TTC28: variants seen among roughly 807,000 people sequenced by gnomAD.
TTC28 encodes the protein tetratricopeptide repeat protein 28.
TTC28 carries 61 observed loss-of-function variants against 198.0 expected under a neutral mutation model. That is an observed-to-expected ratio of 0.31 (90% CI 0.25 to 0.38). TTC28 has a LOEUF of 0.38. Among genes scored for constraint, TTC28 ranks in the 10% least tolerant of loss-of-function variants. TTC28 has a pLI of 1.00. For synonymous variants in TTC28, 1,171 were observed against 1,297.8 expected, an observed-to-expected ratio of 0.90 and a Z score of 2.10; for missense variants, 2,678 against 3,164.0, an observed-to-expected ratio of 0.85 and a Z score of 3.69.
chr22:28,069,521 C>A (rs1237101493), intron 12 of TTC28, among the ~76,000 whole-genome samples: 1 of 152,104 alleles, frequency 6.6e-6, no homozygotes, highest in African/African-American at 2.4e-5. Context: ...GAGCACTCAG[C>A]AAAGCATCTT....
intron 5 of TTC28, among the ~76,000 whole-genome samples, chr22:28,268,462 C>T (rs146465215): frequency 3.2e-4 from 48 of 152,224 alleles, no homozygotes; most frequent in Admixed American, 2.0e-3. Context: ...AGACTGACTT[C>T]GAGACTCATC....
chr22:28,421,342 A>G (rs1010603847), intron 2 of TTC28, among the ~76,000 whole-genome samples: 4 of 152,254 alleles, frequency 2.6e-5, no homozygotes, highest in Non-Finnish European at 5.9e-5. Context: ...CTTGGAAAAA[A>G]CAAATAACAA....
intron 2 of TTC28, among the ~76,000 whole-genome samples, chr22:28,330,203 T>C (rs2045593293): frequency 6.6e-6 from 1 of 152,222 alleles, no homozygotes; most frequent in Non-Finnish European, 1.5e-5. Context: ...AGAAATTTTA[T>C]TCAGGTATAA....
In TTC28 at chr22:28,151,602, C is replaced by T. The variant is rs115355767; in HGVS notation, c.1441+11490G>A. ...AATATTATTAATATGTATTAGGCAC[C>T]GATAGGTGTGGGGCACAGCACAGGA... On this transcript the variant is annotated intron_variant, in intron 6 of 22. Coordinates refer to ENST00000397906, the MANE Select transcript of TTC28 (RefSeq NM_001145418.2). Among the ~76,000 whole-genome samples, 411 of 152,158 alleles carry T rather than the reference C, an allele frequency of 2.7e-3. 4 individuals are homozygous for T. Among genetic ancestry groups the T allele is most frequent in the African/African-American group, 8.6e-3 (356 of 41,504 alleles).
chr22:28,503,577 G>C (rs2048565156), intron 2 of TTC28, among the ~76,000 whole-genome samples: 1 of 152,160 alleles, frequency 6.6e-6, no homozygotes, highest in African/African-American at 2.4e-5. Flanking sequence ...ACCTCACTGA[G>C]TTGTTGGGAT....
intron 5 of TTC28, among the ~76,000 whole-genome samples, chr22:28,292,154 G>C (rs2044800360): frequency 6.6e-6 from 1 of 151,808 alleles, no homozygotes; most frequent in African/African-American, 2.4e-5. Flanking sequence ...TTATTTTCAT[G>C]TAATTGTTAT....
chr22:28,352,333 A>ATATCTATC (rs2046011335), intron 2 of TTC28, among the ~76,000 whole-genome samples: 6 of 141,490 alleles, frequency 4.2e-5, no homozygotes, highest in African/African-American at 1.5e-4. Flanking sequence ...ATATATATAT[A>ATATCTATC]TATCTCCCGG....
At chr22:28,628,193 G>A (rs948840333) in intron 2 of TTC28, among the ~76,000 whole-genome samples, 1 of 152,110 alleles carries the variant, frequency 6.6e-6, no homozygotes, top group African/African-American at 2.4e-5. Context: ...ACCATGCCCA[G>A]CCCTTCAGCA....
intron 2 of TTC28, among the ~76,000 whole-genome samples, chr22:28,529,844 G>C (rs2049093446): frequency 6.6e-6 from 1 of 152,150 alleles, no homozygotes; most frequent in Non-Finnish European, 1.5e-5. Context: ...TGAGGGTCCT[G>C]ACTGTTAGAA....
intron 12 of TTC28, among the ~76,000 whole-genome samples, chr22:28,070,506 G>A (rs1347706136): frequency 6.6e-6 from 1 of 152,140 alleles, no homozygotes; most frequent in African/African-American, 2.4e-5. Context: ...TCTAGGCTGG[G>A]TGCAGTGATC....
intron 2 of TTC28, among the ~76,000 whole-genome samples, chr22:28,475,165 A>G (rs2048146246): frequency 2.0e-5 from 3 of 150,798 alleles, no homozygotes; most frequent in Admixed American, 6.6e-5. Context: ...AAAAAAAAAA[A>G]AAAAAAAGAA....
chr22:28,475,939 T>C (rs193239347), intron 2 of TTC28, among the ~76,000 whole-genome samples: 39 of 152,308 alleles, frequency 2.6e-4, no homozygotes, highest in Non-Finnish European at 4.1e-4. Context: ...TGCAAAAATT[T>C]CTGCTTTGAA....
chr22:28,369,567 T>C (rs1009891793), intron 2 of TTC28, among the ~76,000 whole-genome samples: 1 of 152,230 alleles, frequency 6.6e-6, no homozygotes, highest in Non-Finnish European at 1.5e-5. Context: ...GCATTGGTCA[T>C]GTTTTTAAAA....
intron 2 of TTC28, among the ~76,000 whole-genome samples, chr22:28,488,620 A>C (rs2146338092): frequency 6.6e-6 from 1 of 152,284 alleles, no homozygotes; most frequent in Non-Finnish European, 1.5e-5. Flanking sequence ...AAAAAATAAG[A>C]CTTTTCCTCT....
At chr22:28,373,642 C>T (rs1221197953) in intron 2 of TTC28, among the ~76,000 whole-genome samples, 1 of 152,102 alleles carries the variant, frequency 6.6e-6, no homozygotes, top group East Asian at 1.9e-4. Context: ...ATTATGAAGA[C>T]TATAATCATT....
At chr22:28,297,911 A>G (rs1396014382) in intron 3 of TTC28, 59 bp from the exon 4 acceptor site, 41 of 1,487,290 alleles carry the variant, frequency 2.8e-5, no homozygotes, top group Non-Finnish European at 2.9e-5. Flanking sequence ...ATACAAAAAC[A>G]ATCTTTTCTA....
At chr22:28,318,812 C>CTTTT (rs71316836) in intron 2 of TTC28, among the ~76,000 whole-genome samples, 26 of 61,326 alleles carry the variant, frequency 4.2e-4, no homozygotes, top group African/African-American at 1.4e-3. Context: ...GAAGTGTATT[C>CTTTT]TTTTTTTTTT....
At chr22:28,472,552 A>ATGTG (rs3053555) in intron 2 of TTC28, among the ~76,000 whole-genome samples, 9,080 of 114,660 alleles carry the variant, frequency 0.079, 381 homozygotes, top group Admixed American at 0.14. Context: ...GAAAATGTGT[A>ATGTG]TGTGTGTGTG....
chr22:28,572,985 C>T (rs1361425680), intron 2 of TTC28, among the ~76,000 whole-genome samples: 1 of 151,812 alleles, frequency 6.6e-6, no homozygotes, highest in Non-Finnish European at 1.5e-5. Flanking sequence ...CCTATGTCTA[C>T]AAAAAGTTAA....
Sources: gnomAD v4.1 joint callset for allele counts (sites outside exome capture counted in the v4.1 genomes callset) on GRCh38, gnomAD v4.1.1 for gene constraint, MANE v1.5 for transcripts, NCBI Gene and HGNC (gene_info 2026-07-23, HGNC 2026-07-21) for gene names.